Variants in SLC44A3 observed in about 807,000 individuals in gnomAD.
SLC44A3 encodes the protein choline transporter-like protein 3.
A neutral mutation model predicts 75.4 loss-of-function variants in SLC44A3; 74 were observed. The observed-to-expected ratio is 0.98, with a 90% confidence interval of 0.81 to 1.19. SLC44A3 has a LOEUF of 1.19. Among genes scored for constraint, SLC44A3 ranks in the 50% most tolerant of loss-of-function variants. The pLI is 0.00. For missense variants in SLC44A3, 700 were observed against 778.6 expected, an observed-to-expected ratio of 0.90 and a Z score of 1.20; for synonymous variants, 310 against 296.9, an observed-to-expected ratio of 1.04 and a Z score of -0.45.
chr1:94,839,908 T>G, intron 6 of SLC44A3, 40 bp from the exon 7 acceptor site: 1 of 1,442,990 alleles, frequency 6.9e-7, no homozygotes, highest in Non-Finnish European at 9.8e-7. Flanking sequence ...CCCTATCCTT[T>G]GTTGCTATTG....
chr1:94,831,895 C>T (rs779820983), intron 5 of SLC44A3, among the ~76,000 whole-genome samples: 3 of 152,118 alleles, frequency 2.0e-5, no homozygotes, highest in Admixed American at 6.5e-5. Context: ...CCCTGTGAGC[C>T]GGGCATAGTG....
intron 7 of SLC44A3, among the ~76,000 whole-genome samples, chr1:94,841,542 T>G (rs908524795): frequency 1.3e-5 from 2 of 152,204 alleles, no homozygotes; most frequent in African/African-American, 4.8e-5. Context: ...GCTTCTGACT[T>G]CCATGATTCC....
At chr1:94,892,218 A>C in intron 13 of SLC44A3, 63 bp from the exon 14 acceptor site, 2 of 1,454,472 alleles carry the variant, frequency 1.4e-6, no homozygotes, top group Non-Finnish European at 1.9e-6. Context: ...ATTACTTGTA[A>C]CTGACAAAAA....
chr1:94,867,034 G>C (rs1388185893), intron 11 of SLC44A3, among the ~76,000 whole-genome samples: 1 of 152,064 alleles, frequency 6.6e-6, no homozygotes, highest in Admixed American at 6.6e-5. Flanking sequence ...GATGAAGGGG[G>C]AAGAGAGGTT....
At chr1:94,867,779 G>A (rs953862375) in intron 12 of SLC44A3, among the ~76,000 whole-genome samples, 1 of 152,180 alleles carries the variant, frequency 6.6e-6, no homozygotes, top group African/African-American at 2.4e-5. Flanking sequence ...AGAAAAGTGG[G>A]CGGTGTGATG....
At chr1:94,869,128 C>T (rs1424057178) in intron 12 of SLC44A3, among the ~76,000 whole-genome samples, 1 of 152,246 alleles carries the variant, frequency 6.6e-6, no homozygotes, top group East Asian at 1.9e-4. Context: ...AACCTCTGGT[C>T]CCATTTTCAC....
chr1:94,850,706 A>C (rs1204264796), intron 9 of SLC44A3, among the ~76,000 whole-genome samples: 1 of 152,200 alleles, frequency 6.6e-6, no homozygotes, highest in African/African-American at 2.4e-5. Context: ...GGATGTTAGG[A>C]GGCTGAGATG....
rs146308775 is a variant in SLC44A3 at position 94,862,814 on chromosome 1, C to T, written c.1239-1929C>T. On this transcript the variant is annotated intron_variant, in intron 10 of 14. Coordinates refer to ENST00000271227, the MANE Select transcript of SLC44A3 (RefSeq NM_001114106.3). ...ACTCATCGCTGGGTTGCCCCATATG[C>T]TCAACACTGGAATGTTGTCCCCCAG... is the stretch of plus-strand genomic sequence containing the variant. Among the ~76,000 whole-genome samples, 924 of 152,300 alleles carry T rather than the reference C, an allele frequency of 6.1e-3. 36 individuals carry two copies. The highest frequency in any genetic ancestry group is 0.057 in the Admixed American group (873 of 15,306).
intron 8 of SLC44A3, among the ~76,000 whole-genome samples, chr1:94,842,575 C>T (rs1044925266): frequency 1.3e-5 from 2 of 152,198 alleles, no homozygotes; most frequent in African/African-American, 4.8e-5. Flanking sequence ...CTTGCTGCCT[C>T]CTCAGTGAAC....
intron 1 of SLC44A3, 126 bp downstream of exon 1, chr1:94,820,604 T>A: frequency 7.2e-7 from 1 of 1,390,700 alleles, no homozygotes; most frequent in Non-Finnish European, 9.4e-7. Flanking sequence ...CGCCCCCGCT[T>A]AGTACCTTGG....
chr1:94,871,905 T>C lies in SLC44A3; in HGVS notation c.1482+4488T>C, dbSNP rs530104190. Among the ~76,000 whole-genome samples, 12 of 152,334 alleles carry C rather than the reference T, an allele frequency of 7.9e-5. No homozygotes were observed. In the South Asian group the frequency reaches 2.3e-3, roughly 29 times the overall value. ...TAAGGACTCAAACTCATTACTCTTT[T>C]CAGACATCTAACTGCCGAGGCAATG... On this transcript the variant is annotated intron_variant, in intron 12 of 14. Transcript: ENST00000271227.
chr1:94,844,074 T>A (rs1024112524), intron 8 of SLC44A3, among the ~76,000 whole-genome samples: 5 of 152,160 alleles, frequency 3.3e-5, no homozygotes, highest in African/African-American at 1.2e-4. Flanking sequence ...ACCATAAGAA[T>A]GGCCCTGCTC....
intron 3 of SLC44A3, chr1:94,825,922 A>C (rs541794163): frequency 1.3e-5 from 6 of 456,240 alleles, no homozygotes; most frequent in African/African-American, 1.2e-4. Context: ...CAGTGTCAAC[A>C]AACAGTCATT....
At chr1:94,885,898 A>C (rs1289886018) in intron 12 of SLC44A3, among the ~76,000 whole-genome samples, 1 of 152,250 alleles carries the variant, frequency 6.6e-6, no homozygotes, top group East Asian at 1.9e-4. Context: ...ACTGACTGGA[A>C]AAGAAAAAGG....
In SLC44A3 at chr1:94,850,472, G is replaced by A. The variant is rs780849296; in HGVS notation, c.1072+5008G>A. Among the ~76,000 whole-genome samples, 193 of 152,278 alleles carry A rather than the reference G, an allele frequency of 1.3e-3. 2 individuals are homozygous for A. The highest frequency in any genetic ancestry group is 5.1e-3 in the Admixed American group (78 of 15,296). On this transcript the variant is annotated intron_variant, in intron 9 of 14. Coordinates refer to ENST00000271227, the MANE Select transcript of SLC44A3 (RefSeq NM_001114106.3). ...GATTTTGGCAGGGAGTGGACTTCCC[G>A]CGAGGTCTGTGCTGCAGTTAGAAGA...
intron 12 of SLC44A3, among the ~76,000 whole-genome samples, chr1:94,888,358 G>C (rs1489071094): frequency 6.6e-6 from 1 of 152,192 alleles, no homozygotes; most frequent in African/African-American, 2.4e-5. Flanking sequence ...CCTTGATCTT[G>C]GTTTCCAGTC....
intron 14 of SLC44A3, 33 bp from the exon 15 acceptor site, chr1:94,894,785 A>G: frequency 6.4e-7 from 1 of 1,563,684 alleles, no homozygotes; most frequent in Non-Finnish European, 8.7e-7. Context: ...ACAGACACAT[A>G]ATACTATTCT....
chr1:94,837,100 C>T (rs4847361), intron 5 of SLC44A3, among the ~76,000 whole-genome samples: 131,678 of 152,064 alleles, frequency 0.87, 57,112 homozygotes, highest in East Asian at 0.97. Context: ...CCATACATGA[C>T]CCCACTTGTA....
rs761802043 is a variant in SLC44A3, at chr1:94,869,819, A to G, written c.1482+2402A>G. On this transcript the variant is annotated intron_variant, in intron 12 of 14. Transcript: ENST00000271227. The stretch of plus-strand genomic sequence containing the variant: ...GCATTGGAATGACTTACTAGGGGAC[A>G]TTGTGGCATCTCTGTCTCTGGAAAT... 6.6e-5 allele frequency among the ~76,000 whole-genome samples: 10 copies of G among 152,224 alleles called. No individual in the cohort carries two copies. The East Asian group carries it at 1.2e-3, about 18-fold the overall frequency.
Sources: gnomAD v4.1 joint callset for allele counts (sites outside exome capture counted in the v4.1 genomes callset) on GRCh38, gnomAD v4.1.1 for gene constraint, MANE v1.5 for transcripts, NCBI Gene and HGNC (gene_info 2026-07-23, HGNC 2026-07-21) for gene names.